Variants in LIMA1 observed in about 807,000 individuals in gnomAD.
LIMA1 encodes LIM domain and actin-binding protein 1.
Under a neutral mutation model 62.6 loss-of-function variants are expected in LIMA1, and 52 were observed. The ratio of observed to expected loss-of-function variants is 0.83; its 90% confidence interval spans 0.67 to 1.05. The LOEUF (loss-of-function observed/expected upper bound fraction) is 1.05. Ranked by LOEUF, LIMA1 falls within the 50% of genes least tolerant of loss-of-function variation. The probability of loss-of-function intolerance (pLI) is 0.00; values close to 1 mark genes in which losing one functional copy is unlikely to be tolerated. For synonymous variants in LIMA1, 302 were observed against 317.8 expected (o/e 0.95, Z 0.53); for missense variants, 780 against 902.2 (o/e 0.86, Z 1.74).
At position 50,177,793 on chromosome 12, in the gene LIMA1, C is replaced by G; in HGVS notation, c.1551G>C (p.Glu517Asp). ...SMEAKASSQQ[E>D]KEDKPAETKK... ...TGGTTTCAGCTGGCTTGTCTTCCTT[C>G]TCCTGCTGAGAGGAGGCCTTGGCTT... The change falls in exon 11 of 11, where the codon GAG becomes GAC. Residue 517 changes from glutamate to aspartate, a missense_variant. Coordinates refer to ENST00000341247, the MANE Select transcript of LIMA1 (RefSeq NM_016357.5). 1 of 1,614,132 alleles carries G rather than the reference C, an allele frequency of 6.2e-7. No homozygotes were observed. The highest frequency in any genetic ancestry group is 8.5e-7 in the Non-Finnish European group (1 of 1,179,994).
At chr12:50,219,226 G>A (rs1350688686) in intron 4 of LIMA1, among the ~76,000 whole-genome samples, 1 of 152,072 alleles carries the variant, frequency 6.6e-6, no homozygotes, top group Non-Finnish European at 1.5e-5. Flanking sequence ...GCTCATGCCT[G>A]TAATCCCAGC....
At chr12:50,208,761 A>G (rs1005033302) in intron 4 of LIMA1, among the ~76,000 whole-genome samples, 5 of 151,944 alleles carry the variant, frequency 3.3e-5, no homozygotes, top group African/African-American at 1.2e-4. Context: ...TAATCCCAAC[A>G]CTTTGGGAGG....
In LIMA1 at chr12:50,176,058, T is replaced by C. The variant is rs1379481578; in HGVS notation, c.*1006A>G. On this transcript the variant is annotated 3_prime_UTR_variant, in exon 11 of 11. Coordinates refer to ENST00000341247, the MANE Select transcript of LIMA1 (RefSeq NM_016357.5). ...GAAAAAGGCCTATAGTTGGTTTAAT[T>C]TCACCCTGAGAATACTGTGATAAAA... 3 of 152,146 alleles carry C rather than the reference T, an allele frequency of 2.0e-5. No individual in the cohort carries two copies. Among genetic ancestry groups the C allele is most frequent in the Non-Finnish European group, 4.4e-5 (3 of 68,048 alleles). The allele number at this position is 152,146 out of a possible 1,614,324, so 9.4% of individuals were successfully genotyped here.
intron 3 of LIMA1, among the ~76,000 whole-genome samples, chr12:50,226,065 G>C (rs1232039539): frequency 6.6e-6 from 1 of 151,706 alleles, no homozygotes; most frequent in Non-Finnish European, 1.5e-5. Context: ...ATTTATTTTT[G>C]AGACAGGTTC....
intron 2 of LIMA1, among the ~76,000 whole-genome samples, chr12:50,247,967 C>T (rs1340644698): frequency 1.3e-5 from 2 of 152,108 alleles, no homozygotes; most frequent in Non-Finnish European, 2.9e-5. Flanking sequence ...TAATCAGCAG[C>T]CAGTGGGCTG....
At chr12:50,219,510 T>C (rs1489793760) in intron 4 of LIMA1, 1 of 151,842 alleles carries the variant, frequency 6.6e-6, no homozygotes, top group Non-Finnish European at 1.5e-5. Context: ...AATAAATAAA[T>C]ATAATCTAGA....
intron 1 of LIMA1, among the ~76,000 whole-genome samples, chr12:50,270,233 CAAAAAAAAAAAAAA>C (rs60610107): frequency 2.9e-5 from 2 of 68,404 alleles, no homozygotes; most frequent in East Asian, 5.3e-4. Context: ...GAAACTCTGT[CAAAAAAAAAAAAAA>C]AAAAAAAAAA....
chr12:50,279,811 G>C (rs976221978), intron 1 of LIMA1, among the ~76,000 whole-genome samples: 3 of 152,148 alleles, frequency 2.0e-5, no homozygotes, highest in African/African-American at 7.2e-5. Flanking sequence ...CGCCAAAGCT[G>C]AGCAAATGTT....
intron 2 of LIMA1, among the ~76,000 whole-genome samples, chr12:50,241,743 T>C (rs544862241): frequency 1.3e-4 from 20 of 152,186 alleles, no homozygotes; most frequent in African/African-American, 4.3e-4. Context: ...AGACTGAGGC[T>C]CAATACTTCT....
intron 2 of LIMA1, among the ~76,000 whole-genome samples, chr12:50,240,054 A>AACATC: frequency 7.2e-6 from 1 of 139,194 alleles, no homozygotes; most frequent in Non-Finnish European, 1.5e-5. Context: ...AACATAACAT[A>AACATC]ACATAAAATA....
At chr12:50,265,318 C>T (rs561029020) in intron 1 of LIMA1, among the ~76,000 whole-genome samples, 159 of 151,796 alleles carry the variant, frequency 1.0e-3, no homozygotes, top group African/African-American at 3.7e-3. Context: ...GTCAGGAGTT[C>T]GAGACCAGTC....
At chr12:50,209,762 C>T (rs1941220994) in intron 4 of LIMA1, among the ~76,000 whole-genome samples, 1 of 151,926 alleles carries the variant, frequency 6.6e-6, no homozygotes. Context: ...ACCTCCTAAG[C>T]TCACACAATT....
chr12:50,229,042 C>T (rs1941571720), intron 3 of LIMA1, among the ~76,000 whole-genome samples: 1 of 152,142 alleles, frequency 6.6e-6, no homozygotes, highest in African/African-American at 2.4e-5. Flanking sequence ...ATTCTTGATT[C>T]TTCTTTCTCT....
At chr12:50,245,173 G>A (rs1440997232) in intron 2 of LIMA1, among the ~76,000 whole-genome samples, 1 of 152,134 alleles carries the variant, frequency 6.6e-6, no homozygotes, top group Non-Finnish European at 1.5e-5. Flanking sequence ...CCAGCACTTT[G>A]GGAGGCTGAG....
At position 50,177,552 on chromosome 12, in the gene LIMA1, G is replaced by T. The variant is rs1472437562; in HGVS notation, c.1792C>A (p.Gln598Lys). ...SRPFTVAASF[Q>K]STSVKSPKTV... The stretch of plus-strand genomic sequence containing the variant: ...TTTGGGCTCTTGACAGAGGTGCTTT[G>T]AAATGAAGCTGCTACAGTGAATGGG... Residue 598 changes from glutamine (Q) to lysine (K), a missense_variant, in exon 11 of 11, where the codon CAA becomes AAA. By Grantham distance (53) the Gln-to-Lys change is moderately conservative. Coordinates refer to ENST00000341247, the MANE Select transcript of LIMA1 (RefSeq NM_016357.5). The T allele has an allele frequency of 6.2e-7, 1 of 1,611,214 alleles. No individual in the cohort carries two copies. The highest frequency in any genetic ancestry group is 1.1e-5 in the South Asian group (1 of 90,478).
chr12:50,190,949 C>A (rs1940753066), intron 9 of LIMA1, among the ~76,000 whole-genome samples: 1 of 151,092 alleles, frequency 6.6e-6, no homozygotes, highest in Non-Finnish European at 1.5e-5. Flanking sequence ...GAGACCCCAT[C>A]CCTATAAAAA....
chr12:50,190,877 G>C (rs1940751045), intron 9 of LIMA1, among the ~76,000 whole-genome samples: 1 of 151,114 alleles, frequency 6.6e-6, no homozygotes, highest in Non-Finnish European at 1.5e-5. Context: ...CAGCATTTTG[G>C]GAGGCCAAGG....
chr12:50,263,585 A>C (rs2138677503), intron 1 of LIMA1, among the ~76,000 whole-genome samples: 1 of 152,192 alleles, frequency 6.6e-6, no homozygotes, highest in Admixed American at 6.6e-5. Context: ...GTATAAACTG[A>C]GTAGGAATGT....
chr12:50,221,408 T>C (rs1207612997), intron 4 of LIMA1, among the ~76,000 whole-genome samples: 1 of 152,196 alleles, frequency 6.6e-6, no homozygotes, highest in African/African-American at 2.4e-5. Flanking sequence ...ACATGAAGGA[T>C]CAAATTTCAT....
Sources: gnomAD v4.1 joint callset for allele counts (sites outside exome capture counted in the v4.1 genomes callset) on GRCh38, gnomAD v4.1.1 for gene constraint, MANE v1.5 for transcripts, NCBI Gene and HGNC (gene_info 2026-07-23, HGNC 2026-07-21) for gene names.